Variants in OTUD3 observed in about 807,000 individuals in gnomAD.
OTUD3 encodes OTU domain-containing protein 3.
OTUD3 carries 24 observed loss-of-function variants against 46.2 expected under a neutral mutation model. The ratio of observed to expected loss-of-function variants is 0.52; its 90% CI spans 0.38 to 0.73. The LOEUF (loss-of-function observed/expected upper bound fraction) is 0.73, where lower values mean the gene tolerates loss of function less well. Ranked by LOEUF, OTUD3 falls within the 30% of genes least tolerant of loss-of-function variation. OTUD3 has a pLI of 0.00. For missense variants in OTUD3, 455 were observed against 523.3 expected, an observed-to-expected ratio of 0.87 and a Z score of 1.27; for synonymous variants, 189 against 195.4, an observed-to-expected ratio of 0.97 and a Z score of 0.27.
In OTUD3 at chr1:19,897,676, C is replaced by T. The variant is rs199692037; in HGVS notation, c.606+14C>T. On this transcript the variant is annotated intron_variant, in intron 4 of 7. Coordinates refer to ENST00000375120, the MANE Select transcript of OTUD3 (RefSeq NM_015207.2). ...CTCCAGACGGATGTGAGTGAGGCCT[C>T]GGATTTCTCCCGTATTCCCCGCCCT... The T allele has an allele frequency of 1.1e-4, 183 of 1,610,414 alleles. No individual in the cohort carries two copies. The highest frequency in any genetic ancestry group is 1.5e-4 in the Non-Finnish European group (171 of 1,178,442).
chr1:19,892,106 G>T (rs1278891508), intron 2 of OTUD3, among the ~76,000 whole-genome samples: 1 of 152,140 alleles, frequency 6.6e-6, no homozygotes, highest in Non-Finnish European at 1.5e-5. Flanking sequence ...CAAATCTTCG[G>T]TTGCCAATGT....
chr1:19,894,508 T>G (rs759370523), intron 3 of OTUD3, 28 bp downstream of exon 3: 1 of 1,304,264 alleles, frequency 7.7e-7, no homozygotes, highest in East Asian at 2.3e-5. Flanking sequence ...ACATTTATCT[T>G]AAGCTCTTAT....
intron 3 of OTUD3, among the ~76,000 whole-genome samples, chr1:19,895,042 T>G (rs1247319643): frequency 6.6e-6 from 1 of 152,244 alleles, no homozygotes; most frequent in African/African-American, 2.4e-5. Context: ...TTAGTGAGTA[T>G]TCCTGTCATT....
In OTUD3 at chr1:19,911,683, C is replaced by G. The variant is rs755265452; in HGVS notation, c.*3937C>G. 12 of 152,108 alleles carry G rather than the reference C, an allele frequency of 7.9e-5. No individual in the cohort carries two copies. Among genetic ancestry groups the G allele is most frequent in the African/African-American group, 2.4e-4 (10 of 41,370 alleles). 9.4% of individuals were successfully genotyped at this position (152,108 alleles called of 1,614,324 possible). Reference sequence around the variant, plus strand: ...GATTACGGGTGTGAGCAACCCTGCCCGGCCAGTAAATTGTATTTTTTTAAT... The same window carrying G: ...GATTACGGGTGTGAGCAACCCTGCCGGGCCAGTAAATTGTATTTTTTTAAT... On this transcript the variant is annotated 3_prime_UTR_variant, in exon 8 of 8. Transcript: ENST00000375120.
chr1:19,887,962 G>A lies in OTUD3; in HGVS notation c.222-2423G>A, dbSNP rs541216338. On this transcript the variant is annotated intron_variant, in intron 1 of 7. Coordinates refer to ENST00000375120, the MANE Select transcript of OTUD3 (RefSeq NM_015207.2). ...ATATTGTCTAATAGTAAATTATTGC[G>A]CACTCAAAACATTTGCGTGCTCTTT... Among the ~76,000 whole-genome samples, 78 of 152,222 alleles carry A rather than the reference G, an allele frequency of 5.1e-4. 1 individual carries two copies. The highest frequency in any genetic ancestry group is 1.6e-3 in the African/African-American group (68 of 41,524).
chr1:19,892,789 A>G (rs113364769), intron 2 of OTUD3, among the ~76,000 whole-genome samples: 22 of 152,182 alleles, frequency 1.4e-4, no homozygotes, highest in African/African-American at 4.8e-5. Context: ...TGTTTTCTAC[A>G]TAACAGCCAG....
intron 3 of OTUD3, among the ~76,000 whole-genome samples, chr1:19,895,651 T>A (rs2045508594): frequency 6.6e-6 from 1 of 152,246 alleles, no homozygotes; most frequent in South Asian, 2.1e-4. Context: ...AAACAGTATC[T>A]GCTTGTGTTC....
rs1187196872 is a variant in OTUD3, at chr1:19,909,257, C to T, written c.*1511C>T. 6.6e-6 allele frequency: 1 copy of T among 152,260 alleles called. No individual in the cohort carries two copies. 9.4% of individuals were successfully genotyped at this position (152,260 alleles called of 1,614,324 possible). A position where few individuals can be genotyped will look rare whatever the true frequency, so the allele number is the denominator to read the frequency against. On this transcript the variant is annotated 3_prime_UTR_variant, in exon 8 of 8. Coordinates refer to ENST00000375120, the MANE Select transcript of OTUD3 (RefSeq NM_015207.2). ...CCAGGCCTTTGGCTTTCTTCAGTTTCACTGGTATCTTTTGGTTTTGTTTTT... is the reference window on the plus strand; with the variant it reads ...CCAGGCCTTTGGCTTTCTTCAGTTTTACTGGTATCTTTTGGTTTTGTTTTT...
intron 4 of OTUD3, among the ~76,000 whole-genome samples, chr1:19,902,838 C>T (rs542963673): frequency 1.3e-5 from 2 of 151,822 alleles, no homozygotes; most frequent in African/African-American, 4.8e-5. Flanking sequence ...TGGCTAAATA[C>T]TTTGGCTGTT....
At chr1:19,897,491 T>C in intron 3 of OTUD3, 49 bp from the exon 4 acceptor site, 1 of 1,605,334 alleles carries the variant, frequency 6.2e-7, no homozygotes, top group African/African-American at 1.3e-5. Flanking sequence ...TCTCCAGAAG[T>C]TGATAGTGTT....
chr1:19,907,317 A>G (rs1025928105), intron 7 of OTUD3, among the ~76,000 whole-genome samples: 57 of 152,138 alleles, frequency 3.7e-4, no homozygotes, highest in African/African-American at 1.3e-3. Context: ...TTTGTTACCA[A>G]CTCTTGCTGG....
intron 1 of OTUD3, among the ~76,000 whole-genome samples, chr1:19,888,799 GT>G (rs2045406949): frequency 6.6e-6 from 1 of 152,118 alleles, no homozygotes; most frequent in African/African-American, 2.4e-5. Context: ...GTTTCTGTGT[GT>G]TTTCTTGGCA....
chr1:19,897,584 A>C lies in OTUD3; in HGVS notation c.528A>C (p.Ala176=). 1.2e-6 allele frequency: 2 copies of C among 1,614,068 alleles called. No individual in the cohort carries two copies. Among genetic ancestry groups the C allele is most frequent in the Non-Finnish European group, 1.7e-6 (2 of 1,179,954 alleles). ...GCAGCGTGAGGGAGTTACACATCGC[A>C]TATCGGTATGGAGAGCACTACGACA... ...EKSSVRELHI[A]YRYGEHYDSV... Residue 176 remains alanine, a synonymous_variant, in exon 4 of 8, where the codon GCA becomes GCC. Transcript: ENST00000375120.
At chr1:19,901,950 T>A (rs1403493358) in intron 4 of OTUD3, among the ~76,000 whole-genome samples, 1 of 152,252 alleles carries the variant, frequency 6.6e-6, no homozygotes, top group Non-Finnish European at 1.5e-5. Context: ...ACCTTTTGGC[T>A]ATTGAGAATA....
At chr1:19,894,831 T>G (rs2045496661) in intron 3 of OTUD3, among the ~76,000 whole-genome samples, 1 of 152,218 alleles carries the variant, frequency 6.6e-6, no homozygotes. Flanking sequence ...ACTGAGCATG[T>G]GGTTTCTGTT....
At position 19,912,823 on chromosome 1, in the gene OTUD3, C is replaced by T. The variant is rs560462621; in HGVS notation, c.*5077C>T. On this transcript the variant is annotated 3_prime_UTR_variant, in exon 8 of 8. Transcript: ENST00000375120. ...TTGGCTATTTGCAGTGTTTTCAAAA[C>T]CAAATGTTTCTTTTTTTGTGTTTTT... is the stretch of plus-strand genomic sequence containing the variant. The T allele has an allele frequency of 4.6e-5, 7 of 152,266 alleles. No homozygotes were observed. Among genetic ancestry groups the T allele is most frequent in the Non-Finnish European group, 1.0e-4 (7 of 68,032 alleles). 9.4% of individuals were successfully genotyped at this position (152,266 alleles called of 1,614,324 possible).
rs1176232595 is a variant in OTUD3, at chr1:19,912,092, AAACTACG to A, written c.*4351_*4357del. The A allele has an allele frequency of 2.6e-5, 4 of 152,364 alleles. No individual in the cohort carries two copies. Among genetic ancestry groups the A allele is most frequent in the Admixed American group, 2.6e-4 (4 of 15,284 alleles). The allele number at this position is 152,364 out of a possible 1,614,324, so 9.4% of individuals were successfully genotyped here. A position where few individuals can be genotyped will look rare whatever the true frequency, so the allele number is the denominator to read the frequency against. On this transcript the variant is annotated 3_prime_UTR_variant, in exon 8 of 8. Coordinates refer to ENST00000375120, the MANE Select transcript of OTUD3 (RefSeq NM_015207.2). ...CCAGTGTAAAGAATCTATTTCTGTA[AAACTACG>A]AACTTTTGCATAGGGAATTTATTCT...
chr1:19,892,899 G>A (rs549092101), intron 2 of OTUD3, among the ~76,000 whole-genome samples: 41 of 151,952 alleles, frequency 2.7e-4, no homozygotes, highest in Non-Finnish European at 5.0e-4. Context: ...TCATGATCTG[G>A]GATTTTCTCA....
chr1:19,883,644 A>C (rs950845374), intron 1 of OTUD3, among the ~76,000 whole-genome samples: 1 of 137,418 alleles, frequency 7.3e-6, no homozygotes, highest in Non-Finnish European at 1.7e-5. Flanking sequence ...GCCTTAGTTC[A>C]TTATTATTGT....
Sources: gnomAD v4.1 joint callset for allele counts (sites outside exome capture counted in the v4.1 genomes callset) on GRCh38, gnomAD v4.1.1 for gene constraint, MANE v1.5 for transcripts, NCBI Gene and HGNC (gene_info 2026-07-23, HGNC 2026-07-21) for gene names.